Variants in LOXL2 observed in about 807,000 individuals in gnomAD.
LOXL2 encodes lysyl oxidase homolog 2.
A neutral mutation model predicts 93.0 loss-of-function variants in LOXL2; 70 were observed. The observed-to-expected ratio is 0.75, with a 90% CI of 0.62 to 0.92. The LOEUF (loss-of-function observed/expected upper bound fraction) is 0.92, where lower values mean the gene tolerates loss of function less well. LOXL2 is among the 40% of genes least tolerant of loss of function. LOXL2 has a pLI of 0.00. For missense variants in LOXL2, 973 were observed against 1,054.9 expected, an observed-to-expected ratio of 0.92 and a Z score of 1.08; for synonymous variants, 438 against 413.2, an observed-to-expected ratio of 1.06 and a Z score of -0.73.
At position 23,313,817 on chromosome 8, in the gene LOXL2, A is replaced by G. The variant is rs546513713; in HGVS notation, c.1636+3132T>C. 5.3e-3 allele frequency among the ~76,000 whole-genome samples: 803 copies of G among 151,468 alleles called. 6 individuals are homozygous for G. The highest frequency in any genetic ancestry group is 8.4e-3 in the Non-Finnish European group (569 of 68,018). ...CAAATGGGATCTAATTAAACTAAAGAGCTCTGCACAGCAAAAGAAACTACC... is the reference window on the plus strand; with the variant it reads ...CAAATGGGATCTAATTAAACTAAAGGGCTCTGCACAGCAAAAGAAACTACC... On this transcript the variant is annotated intron_variant, in intron 9 of 13. Coordinates refer to ENST00000389131, the MANE Select transcript of LOXL2 (RefSeq NM_002318.3).
intron 1 of LOXL2, among the ~76,000 whole-genome samples, chr8:23,375,134 G>A (rs1028478933): frequency 1.3e-4 from 20 of 152,064 alleles, no homozygotes; most frequent in Non-Finnish European, 2.4e-4. Context: ...AAGGTGTAAC[G>A]AAGGGATCCA....
chr8:23,356,111 GT>G (rs1804192804), intron 3 of LOXL2, among the ~76,000 whole-genome samples: 1 of 152,006 alleles, frequency 6.6e-6, no homozygotes, highest in Admixed American at 6.5e-5. Context: ...TCCTAGTTTT[GT>G]ATCTCCCATA....
At chr8:23,390,793 A>C (rs1465312557) in intron 1 of LOXL2, among the ~76,000 whole-genome samples, 1 of 152,174 alleles carries the variant, frequency 6.6e-6, no homozygotes, top group African/African-American at 2.4e-5. Flanking sequence ...GCAATTCAGA[A>C]AGTGATAGAG....
chr8:23,344,308 C>T (rs1338780942), intron 3 of LOXL2, among the ~76,000 whole-genome samples: 1 of 152,184 alleles, frequency 6.6e-6, no homozygotes, highest in African/African-American at 2.4e-5. Context: ...TCATTATCCT[C>T]ATTCTTCCAC....
Position 23,297,849 on chromosome 8 carries a change from T to C in LOXL2, c.*194A>G. Reference sequence around the variant, plus strand: ...GCAAGGCCTTCTCAGGCCCCAAGGGTCAGGTAGCAGCCCCCCATGAATGAT... The same window carrying C: ...GCAAGGCCTTCTCAGGCCCCAAGGGCCAGGTAGCAGCCCCCCATGAATGAT... On this transcript the variant is annotated 3_prime_UTR_variant, in exon 14 of 14. Coordinates refer to ENST00000389131, the MANE Select transcript of LOXL2 (RefSeq NM_002318.3). The C allele has an allele frequency of 3.6e-6, 2 of 549,002 alleles. No homozygotes were observed. Among genetic ancestry groups the C allele is most frequent in the East Asian group, 3.0e-5 (1 of 33,106 alleles). 34.0% of individuals were successfully genotyped at this position (549,002 alleles called of 1,614,324 possible).
At chr8:23,305,532 C>G (rs1803216463) in intron 10 of LOXL2, among the ~76,000 whole-genome samples, 1 of 151,884 alleles carries the variant, frequency 6.6e-6, no homozygotes, top group Non-Finnish European at 1.5e-5. Context: ...CAGCACTACC[C>G]ACCCATTCCC....
At chr8:23,339,996 G>A (rs977014235) in intron 4 of LOXL2, among the ~76,000 whole-genome samples, 1 of 152,236 alleles carries the variant, frequency 6.6e-6, no homozygotes, top group African/African-American at 2.4e-5. Context: ...CTTCAAGCCA[G>A]GTCTCCTGAC....
chr8:23,359,901 C>T (rs1265229052), intron 3 of LOXL2, among the ~76,000 whole-genome samples, 189 bp downstream of exon 3: 1 of 152,170 alleles, frequency 6.6e-6, no homozygotes, highest in African/African-American at 2.4e-5. Flanking sequence ...GCCTGGAATG[C>T]CCTTTCCCCA....
chr8:23,349,450 G>C (rs1023983640), intron 3 of LOXL2, among the ~76,000 whole-genome samples: 2 of 152,148 alleles, frequency 1.3e-5, no homozygotes, highest in African/African-American at 4.8e-5. Flanking sequence ...TGTCCCAAGT[G>C]CTGTGTGAGA....
At chr8:23,323,869 T>C (rs111284646) in intron 6 of LOXL2, among the ~76,000 whole-genome samples, 13 of 152,136 alleles carry the variant, frequency 8.5e-5, no homozygotes, top group African/African-American at 3.1e-4. Flanking sequence ...GCCCAGCTAA[T>C]TTTTGTGTTT....
At chr8:23,369,402 G>A (rs2117215027) in intron 1 of LOXL2, among the ~76,000 whole-genome samples, 1 of 152,230 alleles carries the variant, frequency 6.6e-6, no homozygotes, top group South Asian at 2.1e-4. Flanking sequence ...AACATGCAGG[G>A]CCCCAAACCA....
In LOXL2 at chr8:23,298,117, A is replaced by G. The variant is rs374940357; in HGVS notation, c.2251T>C (p.Ser751Pro). ...TTTTTTTCCGTCTCTTCGCTGAAGG[A>G]ACCACCTGAAGAGCGAGAATCGGGT... is the stretch of plus-strand genomic sequence containing the variant. The part of the protein sequence containing the change: ...IWMYNCHIGG[S>P]FSEETEKKFE... The change falls in exon 14 of 14, where the codon TCC becomes CCC. Residue 751 changes from serine (S) to proline (P), a missense_variant. Transcript: ENST00000389131. 2.5e-6 allele frequency: 4 copies of G among 1,612,978 alleles called. No homozygotes were observed. Among genetic ancestry groups the G allele is most frequent in the Non-Finnish European group, 8.5e-7 (1 of 1,179,600 alleles).
intron 3 of LOXL2, among the ~76,000 whole-genome samples, chr8:23,344,292 C>CG (rs1803932645): frequency 6.6e-6 from 1 of 152,132 alleles, no homozygotes; most frequent in Non-Finnish European, 1.5e-5. Flanking sequence ...GGGCTAGCAC[C>CG]GGGGGTCATT....
chr8:23,307,952 T>TA (rs1803255707), intron 10 of LOXL2, among the ~76,000 whole-genome samples: 1 of 2,040 alleles, frequency 4.9e-4, no homozygotes, highest in Admixed American at 8.5e-3. Context: ...AGCTGCGATA[T>TA]GAAAAAAAAA....
chr8:23,333,252 G>T (rs111321771), intron 5 of LOXL2, 149 bp downstream of exon 5: 4 of 683,854 alleles, frequency 5.8e-6, no homozygotes, highest in Non-Finnish European at 5.0e-6. Flanking sequence ...CTCTGCAGAG[G>T]GCGCTCAGGT....
chr8:23,397,234 CAG>C (rs1482217309), intron 1 of LOXL2, among the ~76,000 whole-genome samples: 5 of 152,090 alleles, frequency 3.3e-5, no homozygotes, highest in African/African-American at 7.2e-5. Flanking sequence ...TCAATGGGTA[CAG>C]AGTTTCTGTT....
At chr8:23,318,920 C>G (rs534787374) in intron 8 of LOXL2, among the ~76,000 whole-genome samples, 1 of 152,204 alleles carries the variant, frequency 6.6e-6, no homozygotes, top group Non-Finnish European at 1.5e-5. Context: ...ATTGGAGCAA[C>G]CTGGGACCCA....
chr8:23,309,806 G>A lies in LOXL2; in HGVS notation c.1742C>T (p.Ser581Leu), dbSNP rs774665129. The stretch of plus-strand genomic sequence containing the variant: ...GGGGTCGGTCTGCGCGGCTGAGGCC[G>A]AGAGGCAGTTCTCCTCCATGGCACA... ...LQCAMEENCL[S>L]ASAAQTDPTT... is the part of the protein sequence containing the mutation. Residue 581 changes from serine to leucine, a missense_variant, in exon 10 of 14, where the codon TCG becomes TTG. Physicochemically the swap from Ser to Leu is moderately radical, Grantham distance 145. Coordinates refer to ENST00000389131, the MANE Select transcript of LOXL2 (RefSeq NM_002318.3). The A allele has an allele frequency of 8.7e-6, 14 of 1,603,824 alleles. No homozygotes were observed. The highest frequency in any genetic ancestry group is 5.1e-6 in the Non-Finnish European group (6 of 1,175,444).
intron 1 of LOXL2, among the ~76,000 whole-genome samples, chr8:23,390,367 C>A (rs1269962377): frequency 6.6e-6 from 1 of 152,232 alleles, no homozygotes; most frequent in African/African-American, 2.4e-5. Flanking sequence ...TAACACCAGG[C>A]TTGGTCCGGG....
Sources: allele counts gnomAD v4.1 joint callset (sites outside exome capture counted in the v4.1 genomes callset), GRCh38; gene constraint gnomAD v4.1.1; transcripts MANE v1.5; gene names NCBI Gene and HGNC (gene_info 2026-07-23, HGNC 2026-07-21).